The following NPY2R variants were observed in gnomAD, a reference collection of about 807,000 sequenced individuals.
NPY2R encodes the protein neuropeptide Y receptor Y2, also known as neuropeptide Y receptor type 2.
Under a neutral mutation model 22.3 loss-of-function variants are expected in NPY2R, and 17 were observed. The ratio of observed to expected loss-of-function variants is 0.76; its 90% CI spans 0.52 to 1.14. The LOEUF (loss-of-function observed/expected upper bound fraction) is 1.14. NPY2R is among the 50% of genes most tolerant of loss of function. NPY2R has a pLI of 0.00. For synonymous variants in NPY2R, 209 were observed against 183.4 expected (o/e 1.14, Z -1.13); for missense variants, 424 against 467.9 (o/e 0.91, Z 0.87).
At chr4:155,182,503 A>C in the NPY2R span, among the ~76,000 whole-genome samples, 1 of 152,250 alleles carries the variant, frequency 6.6e-6, no homozygotes, top group South Asian at 2.1e-4. Context: ...GGAATACTGC[A>C]AGCTGATGTC....
chr4:155,174,484 A>ATATATATAT, the NPY2R span, among the ~76,000 whole-genome samples: 18 of 106,120 alleles, frequency 1.7e-4, no homozygotes, highest in South Asian at 3.1e-4. Context: ...ATATATATAT[A>ATATATATAT]TTTTTTTTTT....
chr4:155,201,752 C>A, the NPY2R span, among the ~76,000 whole-genome samples: 6 of 152,050 alleles, frequency 3.9e-5, no homozygotes, highest in African/African-American at 2.4e-5. Flanking sequence ...AAGTTTGATG[C>A]AAACTTATAG....
At chr4:155,177,098 C>G in the NPY2R span, among the ~76,000 whole-genome samples, 4 of 152,164 alleles carry the variant, frequency 2.6e-5, no homozygotes, top group Non-Finnish European at 5.9e-5. Context: ...AATTCATGTC[C>G]TTCTCACATA....
chr4:155,174,473 T>A, the NPY2R span, among the ~76,000 whole-genome samples: 1 of 86,270 alleles, frequency 1.2e-5, no homozygotes, highest in Admixed American at 1.3e-4. Flanking sequence ...TATATATATA[T>A]ATATATATAT....
chr4:155,195,335 A>G, the NPY2R span, among the ~76,000 whole-genome samples: 1 of 151,876 alleles, frequency 6.6e-6, no homozygotes, highest in Non-Finnish European at 1.5e-5. Context: ...ATTAGGTATA[A>G]ATGAAAAAAT....
Position 155,214,173 on chromosome 4 carries a change from C to G in NPY2R, c.234C>G (p.Phe78Leu). 1 of 1,613,958 alleles carries G rather than the reference C, an allele frequency of 6.2e-7. No homozygotes were observed. The highest frequency in any genetic ancestry group is 8.5e-7 in the Non-Finnish European group (1 of 1,179,844). Residue 78 changes from phenylalanine (F) to leucine (L), a missense_variant, in exon 2 of 2, where the codon TTC (phenylalanine) becomes TTG (leucine). Coordinates refer to ENST00000329476, the MANE Select transcript of NPY2R (RefSeq NM_000910.4). ...TGGTGATCCATGTGGTGATCAAATTCAAGAGCATGCGCACAGTAACCAACT... is the reference window on the plus strand; with the variant it reads ...TGGTGATCCATGTGGTGATCAAATTGAAGAGCATGCGCACAGTAACCAACT... Reference protein sequence around the residue: ...NSLVIHVVIKFKSMRTVTNFF... With the variant: ...NSLVIHVVIKLKSMRTVTNFF...
chr4:155,174,586 G>A, the NPY2R span, among the ~76,000 whole-genome samples: 1 of 150,184 alleles, frequency 6.7e-6, no homozygotes, highest in Admixed American at 6.6e-5. Context: ...TACTATATAA[G>A]GCATAAAGGA....
chr4:155,198,454 C>A, the NPY2R span, among the ~76,000 whole-genome samples: 1 of 142,344 alleles, frequency 7.0e-6, no homozygotes. Flanking sequence ...ATATATAAAA[C>A]ATTTAAAATT....
intron 1 of NPY2R, among the ~76,000 whole-genome samples, chr4:155,209,369 C>G (rs1200199030): frequency 6.6e-6 from 1 of 152,316 alleles, no homozygotes; most frequent in East Asian, 1.9e-4. Flanking sequence ...AAATCAAACA[C>G]TTGTCTAAAG....
the NPY2R span, among the ~76,000 whole-genome samples, chr4:155,194,687 G>A: frequency 2.0e-5 from 3 of 151,918 alleles, no homozygotes; most frequent in Non-Finnish European, 2.9e-5. Flanking sequence ...ATTGTGAGTA[G>A]TGCTACAATA....
the NPY2R span, chr4:155,174,254 A>G: frequency 6.6e-6 from 1 of 151,896 alleles, no homozygotes; most frequent in Non-Finnish European, 1.5e-5. Flanking sequence ...AATTAGCTCC[A>G]TACTCAAAAG....
Position 155,214,592 on chromosome 4 carries a change from T to A in NPY2R, c.653T>A (p.Val218Asp). 1 of 1,614,226 alleles carries A rather than the reference T, an allele frequency of 6.2e-7. No homozygotes were observed. The highest frequency in any genetic ancestry group is 8.5e-7 in the Non-Finnish European group (1 of 1,180,030). Residue 218 changes from valine (V) to aspartate (D), a missense_variant, in exon 2 of 2, where the codon GTC becomes GAC. Transcript: ENST00000329476. Reference sequence around the variant, plus strand: ...GAGGAGAAGAGCATCTATGGCACTGTCTATAGTCTTTCTTCCTTGTTGATC... The same window carrying A: ...GAGGAGAAGAGCATCTATGGCACTGACTATAGTCTTTCTTCCTTGTTGATC... ...PGEEKSIYGT[V>D]YSLSSLLILY...
upstream of NPY2R, chr4:155,206,607 G>A (rs1031540231): frequency 1.2e-4 from 18 of 152,338 alleles, no homozygotes; most frequent in African/African-American, 4.1e-4. Flanking sequence ...CTGACTAGAT[G>A]TCTGTGGAAC....
chr4:155,185,343 A>T, the NPY2R span, among the ~76,000 whole-genome samples: 1 of 152,126 alleles, frequency 6.6e-6, no homozygotes, highest in African/African-American at 2.4e-5. Flanking sequence ...CAGCCAACAT[A>T]TATTTTTAAT....
the NPY2R span, among the ~76,000 whole-genome samples, chr4:155,183,685 G>A: frequency 6.6e-6 from 1 of 152,182 alleles, no homozygotes; most frequent in Non-Finnish European, 1.5e-5. Flanking sequence ...GTGAGGAAAT[G>A]AGTGAACCAT....
the NPY2R span, among the ~76,000 whole-genome samples, chr4:155,174,976 A>G: frequency 4.6e-5 from 7 of 152,254 alleles, no homozygotes; most frequent in African/African-American, 1.7e-4. Context: ...TAATGGAGAG[A>G]AAATTTTAAA....
chr4:155,205,429 T>G (rs959579426), upstream of NPY2R, among the ~76,000 whole-genome samples: 17 of 152,206 alleles, frequency 1.1e-4, no homozygotes, highest in Non-Finnish European at 2.4e-4. Flanking sequence ...GAAATCTATA[T>G]CATGATTTTC....
chr4:155,198,162 C>T, the NPY2R span, among the ~76,000 whole-genome samples: 3 of 151,972 alleles, frequency 2.0e-5, no homozygotes, highest in African/African-American at 7.2e-5. Context: ...TTGATCATGT[C>T]TGGGCTTTCC....
At chr4:155,197,526 G>A in the NPY2R span, among the ~76,000 whole-genome samples, 5 of 151,814 alleles carry the variant, frequency 3.3e-5, no homozygotes, top group Admixed American at 6.6e-5. Flanking sequence ...TTGCTAGAGT[G>A]GGATGAAGCA....
Sources: allele counts gnomAD v4.1 joint callset (sites outside exome capture counted in the v4.1 genomes callset), GRCh38; gene constraint gnomAD v4.1.1; transcripts MANE v1.5; gene names NCBI Gene and HGNC (gene_info 2026-07-23, HGNC 2026-07-21).